PYY: variants seen among roughly 807,000 people sequenced by gnomAD.
PYY encodes the protein peptide YY.
A neutral mutation model predicts 10.3 loss-of-function variants in PYY; 12 were observed. The ratio of observed to expected loss-of-function variants is 1.17; its 90% CI spans 0.75 to 1.89. The LOEUF is 1.89. Ranked by LOEUF, PYY falls within the 40% of genes most tolerant of loss-of-function variation. The pLI is 0.00. For missense variants in PYY, 141 were observed against 134.0 expected (o/e 1.05, Z -0.26); for synonymous variants, 66 against 62.0 (o/e 1.06, Z -0.30).
chr17:43,954,676 G>C, upstream of PYY, among the ~76,000 whole-genome samples: 1 of 152,160 alleles, frequency 6.6e-6, no homozygotes, highest in East Asian at 1.9e-4. Context: ...GTGTGGTATA[G>C]AGCCCCCTCC....
intron 1 of PYY, among the ~76,000 whole-genome samples, chr17:43,978,016 A>G: frequency 6.6e-6 from 1 of 150,500 alleles, no homozygotes; most frequent in Non-Finnish European, 1.5e-5. Context: ...CCTGGGCAAC[A>G]GGGGGAGGCC....
At chr17:43,996,889 A>T (rs1230077388) in intron 1 of PYY, among the ~76,000 whole-genome samples, 1 of 151,774 alleles carries the variant, frequency 6.6e-6, no homozygotes, top group African/African-American at 2.4e-5. Context: ...AGGTTTTGCC[A>T]TGTTGCCCAG....
chr17:43,968,980 C>A (rs190787904), intron 1 of PYY, among the ~76,000 whole-genome samples: 1 of 151,300 alleles, frequency 6.6e-6, no homozygotes, highest in Non-Finnish European at 1.5e-5. Flanking sequence ...TGGGGGCATG[C>A]GCCTGTAGTC....
chr17:43,972,129 T>C (rs745990533), intron 1 of PYY, among the ~76,000 whole-genome samples: 11 of 151,840 alleles, frequency 7.2e-5, no homozygotes, highest in Non-Finnish European at 4.4e-5. Flanking sequence ...CATAAAGCTG[T>C]ACACCAACAA....
intron 2 of PYY, among the ~76,000 whole-genome samples, chr17:43,964,510 G>T (rs1291515244): frequency 2.0e-5 from 3 of 152,198 alleles, no homozygotes; most frequent in Non-Finnish European, 2.9e-5. Context: ...CAGCACTTTG[G>T]GAGGCCAAGG....
chr17:44,003,833 T>G (rs2049049775), intron 1 of PYY, among the ~76,000 whole-genome samples: 1 of 151,740 alleles, frequency 6.6e-6, no homozygotes, highest in South Asian at 2.1e-4. Flanking sequence ...AAATAATTTT[T>G]TTTTAAATCA....
intron 1 of PYY, among the ~76,000 whole-genome samples, chr17:43,984,104 G>A (rs117408699): frequency 0.16 from 24,257 of 152,252 alleles, 2,280 homozygotes; most frequent in Non-Finnish European, 0.21. Context: ...AAACCGAGGG[G>A]GCGGCGGGGC....
intron 1 of PYY, among the ~76,000 whole-genome samples, chr17:43,992,406 C>T (rs2048963372): frequency 6.6e-6 from 1 of 151,872 alleles, no homozygotes; most frequent in Non-Finnish European, 1.5e-5. Flanking sequence ...CACGGTGAAA[C>T]CCCGTCTCTA....
chr17:44,003,087 G>C (rs1159822613), intron 1 of PYY, among the ~76,000 whole-genome samples: 1 of 151,980 alleles, frequency 6.6e-6, no homozygotes, highest in Non-Finnish European at 1.5e-5. Flanking sequence ...GCCCAGACGG[G>C]AGTGCAGTGG....
intron 2 of PYY, among the ~76,000 whole-genome samples, chr17:43,962,089 G>A (rs1190009023): frequency 1.3e-5 from 2 of 152,128 alleles, no homozygotes; most frequent in African/African-American, 4.8e-5. Flanking sequence ...ATAGAGTTTA[G>A]CTGAGTATAT....
intron 2 of PYY, among the ~76,000 whole-genome samples, chr17:43,959,882 A>C (rs1010488096): frequency 6.6e-6 from 1 of 152,196 alleles, no homozygotes; most frequent in Non-Finnish European, 1.5e-5. Flanking sequence ...GCAGAAACTC[A>C]AGTCCTGAAA....
intron 1 of PYY, among the ~76,000 whole-genome samples, chr17:43,993,626 A>T (rs1454193448): frequency 6.9e-6 from 1 of 144,438 alleles, no homozygotes; most frequent in African/African-American, 2.5e-5. Context: ...ACTCTGTCTT[A>T]AAAAAAAAAA....
intron 1 of PYY, among the ~76,000 whole-genome samples, chr17:43,995,828 T>TG (rs1555619706): frequency 2.3e-5 from 2 of 85,418 alleles, no homozygotes; most frequent in East Asian, 1.1e-3. Flanking sequence ...TCCATCTCAA[T>TG]GAAAAAAAAA....
intron 1 of PYY, among the ~76,000 whole-genome samples, chr17:44,002,798 G>A (rs1220856411): frequency 1.3e-5 from 2 of 152,186 alleles, no homozygotes; most frequent in African/African-American, 2.4e-5. Flanking sequence ...TGGAGTCACT[G>A]AGAGGATTAA....
At chr17:43,960,412 A>C (rs1352681798) in intron 2 of PYY, among the ~76,000 whole-genome samples, 2 of 147,742 alleles carry the variant, frequency 1.4e-5, no homozygotes, top group African/African-American at 5.0e-5. Flanking sequence ...GCATGGTGGC[A>C]GGTGCCTGTA....
intron 1 of PYY, among the ~76,000 whole-genome samples, chr17:43,969,924 A>G (rs2048779495): frequency 6.6e-6 from 1 of 151,702 alleles, no homozygotes; most frequent in African/African-American, 2.4e-5. Flanking sequence ...TTGTATTTTT[A>G]GTAGAGATGG....
chr17:43,975,721 AAAAAAT>A (rs1332033642), intron 1 of PYY, among the ~76,000 whole-genome samples: 3 of 115,810 alleles, frequency 2.6e-5, no homozygotes, highest in African/African-American at 1.3e-4. Context: ...CCCTGAAAAA[AAAAAAT>A]ATATATATAT....
At chr17:43,955,263 G>A (rs231463), upstream of PYY, among the ~76,000 whole-genome samples, 35,974 of 152,080 alleles carry the variant, frequency 0.24, 6,476 homozygotes, top group East Asian at 0.67. Flanking sequence ...CCCTGGCCTC[G>A]CCAGACCTCC....
In PYY at chr17:43,975,983, C is replaced by T. The variant is rs796257483; in HGVS notation, c.-462-9451G>A. ...ACATACACGTGTCTACGTACGTGTA[C>T]ATACACGTGTCTACGTACGTGTACA... On this transcript the variant is annotated intron_variant, in intron 1 of 6. Transcript: ENST00000360085. Among the ~76,000 whole-genome samples the T allele has an allele frequency of 2.6e-4, 18 of 69,850 alleles. 7 individuals carry two copies. In the African/African-American group the frequency reaches 2.7e-3, roughly 11 times the overall value. 45.8% of individuals were successfully genotyped at this position (69,850 alleles called of 152,430 possible).
Sources: allele counts gnomAD v4.1 joint callset (sites outside exome capture counted in the v4.1 genomes callset), GRCh38; gene constraint gnomAD v4.1.1; transcripts MANE v1.5; gene names NCBI Gene and HGNC (gene_info 2026-07-23, HGNC 2026-07-21).